GADL1: variants seen among roughly 807,000 people sequenced by gnomAD.
GADL1 encodes the protein GAD like acidic amino acid decarboxylase 1.
Under a neutral mutation model 69.5 loss-of-function variants are expected in GADL1, and 71 were observed. The observed-to-expected ratio is 1.02, with a 90% CI of 0.84 to 1.25. The LOEUF (loss-of-function observed/expected upper bound fraction) is 1.25. GADL1 is among the 50% of genes most tolerant of loss of function. GADL1 has a pLI of 0.00. For missense variants in GADL1, 737 were observed against 631.8 expected (o/e 1.17, Z -1.79); for synonymous variants, 254 against 214.4 (o/e 1.18, Z -1.62).
intron 1 of GADL1, among the ~76,000 whole-genome samples, chr3:30,880,362 C>T (rs1486596214): frequency 6.6e-6 from 1 of 151,846 alleles, no homozygotes; most frequent in Non-Finnish European, 1.5e-5. Context: ...CCATAATCCC[C>T]ATGTGTCATG....
chr3:30,807,779 C>T (rs1321422641), intron 11 of GADL1, among the ~76,000 whole-genome samples: 1 of 152,156 alleles, frequency 6.6e-6, no homozygotes, highest in Non-Finnish European at 1.5e-5. Context: ...TGCCTGTAAT[C>T]CCAGCACTTT....
At chr3:30,762,901 T>C (rs959159891) in intron 14 of GADL1, among the ~76,000 whole-genome samples, 4 of 152,174 alleles carry the variant, frequency 2.6e-5, no homozygotes, top group African/African-American at 9.7e-5. Flanking sequence ...CATCCATGTT[T>C]CAAATGACTG....
At chr3:30,887,786 T>C (rs1698729473) in intron 1 of GADL1, among the ~76,000 whole-genome samples, 1 of 152,194 alleles carries the variant, frequency 6.6e-6, no homozygotes. Flanking sequence ...AGAGAATCTA[T>C]ACATTAAAAA....
intron 13 of GADL1, among the ~76,000 whole-genome samples, chr3:30,780,006 C>T (rs539417519): frequency 2.0e-5 from 3 of 152,302 alleles, no homozygotes; most frequent in African/African-American, 7.2e-5. Context: ...AGTACACCCC[C>T]ACCCATCTAC....
chr3:30,806,492 T>G (rs1026926812), intron 11 of GADL1, among the ~76,000 whole-genome samples: 4 of 152,186 alleles, frequency 2.6e-5, no homozygotes, highest in Non-Finnish European at 5.9e-5. Context: ...TCTTTATTGA[T>G]CAAATATTTG....
chr3:30,785,628 C>T (rs906620144), intron 13 of GADL1, among the ~76,000 whole-genome samples: 1 of 152,124 alleles, frequency 6.6e-6, no homozygotes, highest in Non-Finnish European at 1.5e-5. Context: ...CCTGCCTTGG[C>T]CTCTCAAAGT....
intron 14 of GADL1, among the ~76,000 whole-genome samples, chr3:30,757,971 G>A (rs541243288): frequency 6.6e-6 from 1 of 152,302 alleles, no homozygotes; most frequent in Admixed American, 6.5e-5. Flanking sequence ...GAGTACCATG[G>A]TGTTTATTCA....
At chr3:30,785,262 T>A (rs559711674) in intron 13 of GADL1, among the ~76,000 whole-genome samples, 3 of 152,320 alleles carry the variant, frequency 2.0e-5, no homozygotes, top group African/African-American at 7.2e-5. Context: ...CACTTGAATG[T>A]AAACATGAAA....
intron 14 of GADL1, among the ~76,000 whole-genome samples, chr3:30,772,017 A>AG (rs1320005347): frequency 6.6e-6 from 1 of 151,076 alleles, no homozygotes; most frequent in Non-Finnish European, 1.5e-5. Context: ...CTTCACTGTG[A>AG]GGTTTCCACG....
intron 9 of GADL1, 68 bp downstream of exon 9, chr3:30,838,929 G>A: frequency 1.0e-6 from 1 of 958,422 alleles, no homozygotes; most frequent in Non-Finnish European, 1.6e-6. Context: ...CTGAGAATAA[G>A]AAAAATTTCT....
chr3:30,780,940 G>A (rs1696652277), intron 13 of GADL1, among the ~76,000 whole-genome samples: 1 of 152,152 alleles, frequency 6.6e-6, no homozygotes, highest in Non-Finnish European at 1.5e-5. Context: ...TCTGTAGCTT[G>A]TATTTTACAT....
intron 12 of GADL1, chr3:30,800,431 C>T (rs116452606): frequency 0.011 from 1,806 of 166,064 alleles, 13 homozygotes; most frequent in African/African-American, 0.013. Context: ...CTGGGAATTA[C>T]GGGAATACAA....
At position 30,741,128 on chromosome 3, in the gene GADL1, A is replaced by G. The variant is rs1053804280; in HGVS notation, c.1393-12713T>C. On this transcript the variant is annotated intron_variant, in intron 14 of 14. Transcript: ENST00000282538. ...GTATTCCTAGTATATATATATATAT[A>G]TATATATATATGTGTGAGATAGGTG... Among the ~76,000 whole-genome samples, 10 of 134,460 alleles carry G rather than the reference A, an allele frequency of 7.4e-5. No individual in the cohort carries two copies. In the Admixed American group the frequency reaches 7.7e-4, roughly 10 times the overall value. 88.2% of individuals were successfully genotyped at this position (134,460 alleles called of 152,430 possible). A position where few individuals can be genotyped will look rare whatever the true frequency, so the allele number is the denominator to read the frequency against.
chr3:30,866,496 G>T (rs1032274578), intron 1 of GADL1, among the ~76,000 whole-genome samples: 1 of 151,988 alleles, frequency 6.6e-6, no homozygotes, highest in South Asian at 2.1e-4. Flanking sequence ...ATGCATAAAG[G>T]AAACTTGCAT....
intron 14 of GADL1, among the ~76,000 whole-genome samples, chr3:30,740,211 G>A (rs1695596371): frequency 6.6e-6 from 1 of 151,926 alleles, no homozygotes; most frequent in Admixed American, 6.6e-5. Flanking sequence ...GAGTTTGCTT[G>A]GCAAAAAGGG....
intron 8 of GADL1, among the ~76,000 whole-genome samples, chr3:30,840,946 G>T (rs1282328097): frequency 1.3e-5 from 2 of 152,216 alleles, no homozygotes; most frequent in African/African-American, 4.8e-5. Flanking sequence ...GTTTGAGCTT[G>T]TCAGTAAGCC....
At chr3:30,771,189 C>A (rs1696412110) in intron 14 of GADL1, among the ~76,000 whole-genome samples, 1 of 152,176 alleles carries the variant, frequency 6.6e-6, no homozygotes, top group Non-Finnish European at 1.5e-5. Flanking sequence ...GTATTCCCTG[C>A]CCTTCAGCTG....
intron 14 of GADL1, among the ~76,000 whole-genome samples, chr3:30,756,263 A>G (rs1435266796): frequency 6.6e-6 from 1 of 152,226 alleles, no homozygotes; most frequent in East Asian, 1.9e-4. Flanking sequence ...CAGCTACTCA[A>G]CTGATCTGGC....
intron 1 of GADL1, among the ~76,000 whole-genome samples, chr3:30,893,691 A>G (rs1698816075): frequency 6.6e-6 from 1 of 152,128 alleles, no homozygotes; most frequent in Admixed American, 6.5e-5. Context: ...TGGGACATTA[A>G]AAGGTGAAAT....
Sources: gnomAD v4.1 joint callset for allele counts (sites outside exome capture counted in the v4.1 genomes callset) on GRCh38, gnomAD v4.1.1 for gene constraint, MANE v1.5 for transcripts, NCBI Gene and HGNC (gene_info 2026-07-23, HGNC 2026-07-21) for gene names.